The following FIRRM variants were observed in gnomAD, a reference collection of about 807,000 sequenced individuals.
FIRRM encodes FIGNL1 interacting regulator of recombination and mitosis.
At chr1:169,807,747 G>A in the FIRRM span, 1 of 1,505,108 alleles carries the variant, frequency 6.6e-7, no homozygotes, top group African/African-American at 1.4e-5. Context: ...GTTACTTGAT[G>A]TGTTACTTGT....
chr1:169,800,926 C>A, the FIRRM span: 2 of 1,598,182 alleles, frequency 1.3e-6, no homozygotes, highest in East Asian at 2.2e-5. Flanking sequence ...CTCATATGAA[C>A]CACCTGACAT....
chr1:169,811,995 C>G, the FIRRM span, among the ~76,000 whole-genome samples: 26 of 152,266 alleles, frequency 1.7e-4, no homozygotes, highest in African/African-American at 6.0e-4. Context: ...GTCTTCCTTG[C>G]TTATATTACC....
the FIRRM span, among the ~76,000 whole-genome samples, chr1:169,838,005 T>G: frequency 6.6e-6 from 1 of 152,202 alleles, no homozygotes; most frequent in African/African-American, 2.4e-5. Flanking sequence ...TGGTGTGATC[T>G]TGGCTCACTG....
the FIRRM span, among the ~76,000 whole-genome samples, chr1:169,840,949 TCTTG>T: frequency 6.6e-6 from 1 of 152,216 alleles, no homozygotes; most frequent in Non-Finnish European, 1.5e-5. Flanking sequence ...TATTTTTTTC[TCTTG>T]CTTATTGCTC....
the FIRRM span, chr1:169,793,113 C>T: frequency 1.2e-6 from 2 of 1,614,170 alleles, no homozygotes; most frequent in Non-Finnish European, 1.7e-6. Context: ...GATCCACAAC[C>T]AAGATCCAAG....
At chr1:169,811,147 A>G in the FIRRM span, among the ~76,000 whole-genome samples, 3 of 152,062 alleles carry the variant, frequency 2.0e-5, no homozygotes, top group Non-Finnish European at 4.4e-5. Context: ...GGCGTGAGCC[A>G]CCGCGCCCGG....
At chr1:169,814,331 A>G in the FIRRM span, among the ~76,000 whole-genome samples, 4 of 152,270 alleles carry the variant, frequency 2.6e-5, no homozygotes, top group Admixed American at 2.6e-4. Flanking sequence ...TCATAACTGC[A>G]TAAAATTAAC....
the FIRRM span, among the ~76,000 whole-genome samples, chr1:169,796,412 C>A: frequency 2.0e-5 from 3 of 152,268 alleles, no homozygotes. Context: ...TAGCTTTGCA[C>A]TTCAAACGAC....
the FIRRM span, among the ~76,000 whole-genome samples, chr1:169,842,799 A>G: frequency 7.3e-5 from 11 of 151,376 alleles, no homozygotes; most frequent in Non-Finnish European, 1.2e-4. Flanking sequence ...CCCTTTCCCC[A>G]CCTCCCCATC....
At chr1:169,824,217 A>T in the FIRRM span, among the ~76,000 whole-genome samples, 1 of 152,266 alleles carries the variant, frequency 6.6e-6, no homozygotes, top group South Asian at 2.1e-4. Context: ...CTACTATTCT[A>T]TGTGTATCTA....
the FIRRM span, among the ~76,000 whole-genome samples, chr1:169,818,727 C>T: frequency 8.5e-5 from 13 of 152,148 alleles, no homozygotes; most frequent in African/African-American, 3.1e-4. Flanking sequence ...TGCTCTGTTG[C>T]CCATGCTGGA....
chr1:169,843,135 T>G, the FIRRM span, among the ~76,000 whole-genome samples: 1 of 152,242 alleles, frequency 6.6e-6, no homozygotes, highest in Non-Finnish European at 1.5e-5. Flanking sequence ...AGCCATACTT[T>G]TGGGAAATGA....
At chr1:169,810,523 A>G in the FIRRM span, among the ~76,000 whole-genome samples, 10,059 of 152,018 alleles carry the variant, frequency 0.066, 428 homozygotes, top group Non-Finnish European at 0.099. Flanking sequence ...TCCTTAGCTT[A>G]CTTTGGCTTT....
At chr1:169,841,509 A>G in the FIRRM span, among the ~76,000 whole-genome samples, 1 of 152,230 alleles carries the variant, frequency 6.6e-6, no homozygotes, top group Non-Finnish European at 1.5e-5. Flanking sequence ...TTACATTCTC[A>G]TAAGACCTTC....
the FIRRM span, among the ~76,000 whole-genome samples, chr1:169,835,749 T>C: frequency 6.6e-6 from 1 of 152,216 alleles, no homozygotes; most frequent in Non-Finnish European, 1.5e-5. Context: ...GTTTCTATTT[T>C]GGAAAGGGAA....
At chr1:169,832,706 C>T in the FIRRM span, among the ~76,000 whole-genome samples, 4 of 151,962 alleles carry the variant, frequency 2.6e-5, no homozygotes, top group East Asian at 7.7e-4. Context: ...TGGGCTCAAG[C>T]AATCCTCCCA....
the FIRRM span, chr1:169,802,662 T>G: frequency 6.2e-7 from 1 of 1,613,140 alleles, no homozygotes; most frequent in Non-Finnish European, 8.5e-7. Flanking sequence ...AATTAACCAG[T>G]CAAGCCAGAG....
the FIRRM span, among the ~76,000 whole-genome samples, chr1:169,817,379 G>C: frequency 6.6e-6 from 1 of 152,200 alleles, no homozygotes; most frequent in Admixed American, 6.5e-5. Flanking sequence ...CCTTAGGGCA[G>C]CCTCTGTTAA....
the FIRRM span, among the ~76,000 whole-genome samples, chr1:169,818,913 C>T: frequency 6.6e-6 from 1 of 152,200 alleles, no homozygotes; most frequent in Non-Finnish European, 1.5e-5. Context: ...TCTTGAACTC[C>T]TGACCCCAGG....
Sources: allele counts gnomAD v4.1 joint callset (sites outside exome capture counted in the v4.1 genomes callset), GRCh38; gene constraint gnomAD v4.1.1; transcripts MANE v1.5; gene names NCBI Gene and HGNC (gene_info 2026-07-23, HGNC 2026-07-21).